Variants in CDH17 observed in about 807,000 individuals in gnomAD.
CDH17 encodes cadherin 17.
CDH17 carries 67 observed loss-of-function variants against 86.3 expected under a neutral mutation model. The ratio of observed to expected loss-of-function variants is 0.78; its 90% CI spans 0.64 to 0.95. CDH17 has a LOEUF of 0.95. Among genes scored for constraint, CDH17 ranks in the 40% least tolerant of loss-of-function variants. CDH17 has a pLI of 0.00. For synonymous variants in CDH17, 367 were observed against 366.4 expected, an observed-to-expected ratio of 1.00 and a Z score of -0.02; for missense variants, 993 against 1,017.6, an observed-to-expected ratio of 0.98 and a Z score of 0.33.
intron 15 of CDH17, among the ~76,000 whole-genome samples, chr8:94,134,205 G>T (rs1044329125): frequency 6.6e-6 from 1 of 152,160 alleles, no homozygotes; most frequent in Non-Finnish European, 1.5e-5. Context: ...TTTTTCTATT[G>T]ATTGAAATAG....
chr8:94,163,584 C>T (rs1049645469), intron 10 of CDH17, among the ~76,000 whole-genome samples: 6 of 152,224 alleles, frequency 3.9e-5, no homozygotes, highest in Admixed American at 1.3e-4. Flanking sequence ...TGCTTCACAC[C>T]TCCTGTTGGT....
chr8:94,189,109 A>T, intron 3 of CDH17, 78 bp downstream of exon 3: 1 of 966,290 alleles, frequency 1.0e-6, no homozygotes, highest in Non-Finnish European at 1.6e-6. Flanking sequence ...ATTTCCTGCT[A>T]TACAATAGAT....
chr8:94,214,828 A>G (rs530673341), intron 1 of CDH17, among the ~76,000 whole-genome samples: 1 of 152,308 alleles, frequency 6.6e-6, no homozygotes, highest in Non-Finnish European at 1.5e-5. Flanking sequence ...GGATCTGAAT[A>G]GAAATTTTTT....
At chr8:94,151,306 T>A (rs1812851298) in intron 13 of CDH17, among the ~76,000 whole-genome samples, 1 of 152,220 alleles carries the variant, frequency 6.6e-6, no homozygotes, top group Non-Finnish European at 1.5e-5. Context: ...AAGGAATTGC[T>A]AAGATGGAAA....
chr8:94,170,151 T>C (rs184722235), intron 9 of CDH17, among the ~76,000 whole-genome samples: 1 of 152,270 alleles, frequency 6.6e-6, no homozygotes, highest in Admixed American at 6.5e-5. Flanking sequence ...AGTAGTAAGG[T>C]TGATAATGAT....
At position 94,160,088 on chromosome 8, in the gene CDH17, A is replaced by G. The variant is rs371090603; in HGVS notation, c.1434T>C (p.Asp478=). 205 of 1,613,696 alleles carry G rather than the reference A, an allele frequency of 1.3e-4. No individual in the cohort carries two copies. Among genetic ancestry groups the G allele is most frequent in the Non-Finnish European group, 1.7e-4 (196 of 1,179,754 alleles). ...TILTIQATDA[D]EPFTGSSKIL... ...TTTTAGAACTCCCAGTAAATGGCTC[A>G]TCAGCATCAGTGGCCTGGATGGTTA... Residue 478 remains aspartate, a synonymous_variant, in exon 12 of 18, where the codon GAT becomes GAC. Coordinates refer to ENST00000027335, the MANE Select transcript of CDH17 (RefSeq NM_004063.4).
intron 15 of CDH17, among the ~76,000 whole-genome samples, chr8:94,139,103 T>C (rs1288747116): frequency 1.3e-5 from 2 of 152,282 alleles, no homozygotes; most frequent in South Asian, 2.1e-4. Context: ...TTATATTCTA[T>C]ATGTTCAAGA....
chr8:94,171,278 G>C (rs749760931), intron 7 of CDH17, among the ~76,000 whole-genome samples: 2 of 152,140 alleles, frequency 1.3e-5, no homozygotes, highest in Admixed American at 6.5e-5. Context: ...GACTGTGAAA[G>C]CTTTCTATCC....
Position 94,170,501 on chromosome 8 carries a change from G to C in CDH17, c.962C>G (p.Ser321Ter), listed in dbSNP as rs547907658. Residue 321 changes from serine to a stop codon, truncating the protein, a stop_gained, in exon 9 of 18, where the codon TCA (serine) becomes TGA (stop). Transcript: ENST00000027335. LOFTEE classifies it high-confidence loss of function. ...TTTTACATGAATTTCCAGCGGATAT[G>C]AAAGTGGTTTTCCGTACTCATCCTT... ...VAKDEYGKPL[S>*]YPLEIHVKVK... 6.2e-7 allele frequency: 1 copy of C among 1,613,732 alleles called. No individual in the cohort carries two copies. Among genetic ancestry groups the C allele is most frequent in the Admixed American group, 1.7e-5 (1 of 60,012 alleles).
At chr8:94,145,367 C>T (rs1321061851) in intron 15 of CDH17, among the ~76,000 whole-genome samples, 1 of 151,526 alleles carries the variant, frequency 6.6e-6, no homozygotes, top group Non-Finnish European at 1.5e-5. Context: ...AGAAGCCAGA[C>T]CAAAAAAAAT....
intron 17 of CDH17, among the ~76,000 whole-genome samples, chr8:94,129,916 C>T (rs1336392785): frequency 1.3e-5 from 2 of 152,088 alleles, no homozygotes; most frequent in Admixed American, 6.5e-5. Context: ...GGTCTCATCC[C>T]CAAGATATCT....
intron 11 of CDH17, among the ~76,000 whole-genome samples, chr8:94,161,277 A>G (rs1021436485): frequency 4.6e-5 from 7 of 152,190 alleles, no homozygotes; most frequent in African/African-American, 1.7e-4. Flanking sequence ...TACAAGACAT[A>G]TCCACTCACA....
At position 94,207,149 on chromosome 8, in the gene CDH17, A is replaced by G. The variant is rs115516604; in HGVS notation, c.-21+1334T>C. Among the ~76,000 whole-genome samples, 1,455 of 152,230 alleles carry G rather than the reference A, an allele frequency of 9.6e-3. 22 individuals are homozygous for G. Among genetic ancestry groups the G allele is most frequent in the African/African-American group, 0.032 (1,325 of 41,536 alleles). On this transcript the variant is annotated intron_variant, in intron 1 of 17. Transcript: ENST00000027335. ...AAACCAATAGTTTTATTATTCTCAT[A>G]TTTTTGAATCCTACTTCCTGAACAT...
At chr8:94,198,973 T>G (rs1416533324) in intron 1 of CDH17, among the ~76,000 whole-genome samples, 1 of 148,968 alleles carries the variant, frequency 6.7e-6, no homozygotes, top group Non-Finnish European at 1.5e-5. Flanking sequence ...ACCTAAACCC[T>G]ACTTCCTTCA....
In CDH17 at chr8:94,128,231, T is replaced by G; in HGVS notation, c.*9A>C. The G allele has an allele frequency of 1.3e-6, 2 of 1,581,008 alleles. No individual in the cohort carries two copies. The highest frequency in any genetic ancestry group is 8.7e-7 in the Non-Finnish European group (1 of 1,150,716). ...CTTGCTATATAAATTCAAACATTCCTTTTCAAATTCAGCTTCTCAGAGGTT... is the reference window on the plus strand; with the variant it reads ...CTTGCTATATAAATTCAAACATTCCGTTTCAAATTCAGCTTCTCAGAGGTT... On this transcript the variant is annotated 3_prime_UTR_variant, in exon 18 of 18. Coordinates refer to ENST00000027335, the MANE Select transcript of CDH17 (RefSeq NM_004063.4).
intron 13 of CDH17, among the ~76,000 whole-genome samples, chr8:94,150,043 A>G (rs1053689011): frequency 6.6e-6 from 1 of 152,238 alleles, no homozygotes; most frequent in South Asian, 2.1e-4. Flanking sequence ...AGCAACCTAC[A>G]TATCAAAGGA....
At chr8:94,189,974 G>A (rs1377706906) in intron 2 of CDH17, among the ~76,000 whole-genome samples, 1 of 152,154 alleles carries the variant, frequency 6.6e-6, no homozygotes, top group Non-Finnish European at 1.5e-5. Context: ...AAAATCCAAA[G>A]ACCCTAAACT....
chr8:94,148,376 T>C (rs187825794), intron 14 of CDH17, among the ~76,000 whole-genome samples: 2 of 151,934 alleles, frequency 1.3e-5, no homozygotes, highest in East Asian at 3.9e-4. Context: ...ACCCTGTCTC[T>C]ACTAAAAATA....
At chr8:94,132,139 C>T (rs995615795) in intron 15 of CDH17, among the ~76,000 whole-genome samples, 62 of 152,232 alleles carry the variant, frequency 4.1e-4, no homozygotes, top group African/African-American at 1.2e-3. Context: ...AATAAACATA[C>T]GTGTGCACGT....
Sources: gnomAD v4.1 joint callset for allele counts (sites outside exome capture counted in the v4.1 genomes callset) on GRCh38, gnomAD v4.1.1 for gene constraint, MANE v1.5 for transcripts, NCBI Gene and HGNC (gene_info 2026-07-23, HGNC 2026-07-21) for gene names.